Variants in BBX observed in about 807,000 individuals in gnomAD.
BBX encodes BBX high mobility group box domain containing.
Under a neutral mutation model 100.2 loss-of-function variants are expected in BBX, and 30 were observed. The observed-to-expected ratio is 0.30, with a 90% CI of 0.22 to 0.41. The LOEUF (loss-of-function observed/expected upper bound fraction) is 0.41. Among genes scored for constraint, BBX ranks in the 10% least tolerant of loss-of-function variants. The probability of loss-of-function intolerance (pLI) is 1.00; values close to 1 mark genes in which losing one functional copy is unlikely to be tolerated. For missense variants in BBX, 1,023 were observed against 1,129.8 expected, an observed-to-expected ratio of 0.91 and a Z score of 1.35; for synonymous variants, 376 against 388.1, an observed-to-expected ratio of 0.97 and a Z score of 0.37.
chr3:107,791,413 T>C (rs1309068114), intron 15 of BBX, 114 bp downstream of exon 15: 8 of 823,510 alleles, frequency 9.7e-6, no homozygotes, highest in African/African-American at 8.6e-5. Flanking sequence ...ACTAGACTTA[T>C]GTGTTCATAA....
intron 9 of BBX, among the ~76,000 whole-genome samples, chr3:107,749,525 A>G (rs1464974148): frequency 6.6e-6 from 1 of 152,216 alleles, no homozygotes; most frequent in Non-Finnish European, 1.5e-5. Flanking sequence ...TTACATATCC[A>G]TTGACTACCA....
chr3:107,683,452 A>G (rs1467099866), intron 3 of BBX, among the ~76,000 whole-genome samples: 1 of 152,156 alleles, frequency 6.6e-6, no homozygotes, highest in Non-Finnish European at 1.5e-5. Context: ...TTGCTAGAGA[A>G]GGAAAACTTC....
chr3:107,691,971 G>C (rs2060199346), intron 3 of BBX, among the ~76,000 whole-genome samples: 1 of 152,008 alleles, frequency 6.6e-6, no homozygotes, highest in South Asian at 2.1e-4. Context: ...GAGAAGTTTT[G>C]CTTTATGAAG....
chr3:107,610,080 TATC>T, intron 2 of BBX, among the ~76,000 whole-genome samples: 1 of 152,242 alleles, frequency 6.6e-6, no homozygotes, highest in East Asian at 1.9e-4. Flanking sequence ...ATGTTTCCAT[TATC>T]ATTTGTTTCA....
chr3:107,649,126 A>G (rs2057692227), intron 3 of BBX, among the ~76,000 whole-genome samples: 1 of 152,324 alleles, frequency 6.6e-6, no homozygotes, highest in East Asian at 1.9e-4. Flanking sequence ...TCCCCTTTAT[A>G]AAACCATCTG....
chr3:107,762,880 C>T (rs972158268), intron 10 of BBX, among the ~76,000 whole-genome samples: 1 of 152,050 alleles, frequency 6.6e-6, no homozygotes, highest in South Asian at 2.1e-4. Flanking sequence ...GGTGTAGAAT[C>T]CAATACTTTG....
At chr3:107,759,975 A>G (rs1217096924) in intron 10 of BBX, among the ~76,000 whole-genome samples, 1 of 152,218 alleles carries the variant, frequency 6.6e-6, no homozygotes, top group Non-Finnish European at 1.5e-5. Context: ...AATGACTGGC[A>G]TTTATTATCT....
chr3:107,673,249 T>C (rs558398762), intron 3 of BBX, among the ~76,000 whole-genome samples: 176 of 152,144 alleles, frequency 1.2e-3, no homozygotes, highest in African/African-American at 4.1e-3. Flanking sequence ...AAACGTTCCT[T>C]GTAGTAGAAA....
chr3:107,640,168 A>G (rs2057103495), intron 2 of BBX, among the ~76,000 whole-genome samples: 1 of 152,180 alleles, frequency 6.6e-6, no homozygotes, highest in Non-Finnish European at 1.5e-5. Context: ...TTGGCCCACA[A>G]TTGCAGGGTA....
At position 107,687,875 on chromosome 3, in the gene BBX, C is replaced by T. The variant is rs768687818; in HGVS notation, c.-9-22577C>T. ...TTCGAGACCAGCTTGGCCAACATGG[C>T]GAAACCCCATCTCTACTAAAAATAC... is the stretch of plus-strand genomic sequence containing the variant. On this transcript the variant is annotated intron_variant, in intron 3 of 17. Coordinates refer to ENST00000325805, the MANE Select transcript of BBX (RefSeq NM_001142568.3). Among the ~76,000 whole-genome samples the T allele has an allele frequency of 4.0e-4, 61 of 151,914 alleles. 1 individual carries two copies. The highest frequency in any genetic ancestry group is 8.3e-4 in the South Asian group (4 of 4,808).
At chr3:107,614,012 C>T (rs1203088789) in intron 2 of BBX, among the ~76,000 whole-genome samples, 13 of 123,410 alleles carry the variant, frequency 1.1e-4, no homozygotes, top group Non-Finnish European at 1.4e-4. Flanking sequence ...AGTGCAGTGG[C>T]GCAATCTCGG....
At chr3:107,728,242 T>A (rs2063095209) in intron 5 of BBX, among the ~76,000 whole-genome samples, 1 of 152,186 alleles carries the variant, frequency 6.6e-6, no homozygotes, top group Admixed American at 6.5e-5. Flanking sequence ...TGAGAAAGGT[T>A]TAACAACTTG....
chr3:107,655,892 G>A (rs1265651712), intron 3 of BBX, among the ~76,000 whole-genome samples: 1 of 151,858 alleles, frequency 6.6e-6, no homozygotes, highest in Non-Finnish European at 1.5e-5. Context: ...AGTGGAGATG[G>A]GGTTTCACCG....
intron 5 of BBX, among the ~76,000 whole-genome samples, chr3:107,723,623 A>T (rs1270709094): frequency 6.6e-5 from 10 of 151,822 alleles, no homozygotes. Context: ...AAGTGTTCTC[A>T]TTGTTCAATT....
chr3:107,740,902 A>G (rs2064042696), intron 7 of BBX, among the ~76,000 whole-genome samples: 1 of 150,354 alleles, frequency 6.7e-6, no homozygotes, highest in African/African-American at 2.5e-5. Context: ...TGTCCCCTGC[A>G]TATGAGTTGC....
At chr3:107,634,576 A>G (rs1240639507) in intron 2 of BBX, among the ~76,000 whole-genome samples, 3 of 152,216 alleles carry the variant, frequency 2.0e-5, no homozygotes, top group South Asian at 2.1e-4. Context: ...AGATTCCCCA[A>G]AATTTATTAT....
intron 5 of BBX, among the ~76,000 whole-genome samples, chr3:107,724,635 G>A (rs1224290435): frequency 3.3e-5 from 5 of 152,134 alleles, no homozygotes; most frequent in African/African-American, 7.2e-5. Context: ...TGGCTAGCCA[G>A]TTTTCCCAGC....
chr3:107,530,955 C>T (rs2048120796), intron 2 of BBX, among the ~76,000 whole-genome samples: 1 of 152,170 alleles, frequency 6.6e-6, no homozygotes, highest in Admixed American at 6.5e-5. Flanking sequence ...GCCTGCTTGC[C>T]TTCTTAGAAA....
rs2047582413 is a variant in BBX, at chr3:107,524,312, ACT to A, written c.-156+1206_-156+1207del. ...CCCTCTTAAGCCACACTCGTGTTACACTGTTATTTGCTGCGATCCGGGTCGCT... is the reference window on the plus strand; with the variant it reads ...CCCTCTTAAGCCACACTCGTGTTACAGTTATTTGCTGCGATCCGGGTCGCT... On this transcript the variant is annotated intron_variant, in intron 1 of 17. Coordinates refer to ENST00000325805, the MANE Select transcript of BBX (RefSeq NM_001142568.3). The A allele has an allele frequency of 3.9e-5, 6 of 152,108 alleles. No individual in the cohort carries two copies. In the South Asian group the frequency reaches 1.2e-3, roughly 31 times the overall value. The allele number at this position is 152,108 out of a possible 1,614,324, so 9.4% of individuals were successfully genotyped here.
Sources: gnomAD v4.1 joint callset for allele counts (sites outside exome capture counted in the v4.1 genomes callset) on GRCh38, gnomAD v4.1.1 for gene constraint, MANE v1.5 for transcripts, NCBI Gene and HGNC (gene_info 2026-07-23, HGNC 2026-07-21) for gene names.